The following ZBTB34 variants were observed in gnomAD, a reference collection of about 807,000 sequenced individuals.
ZBTB34 encodes the protein zinc finger and BTB domain-containing protein 34.
Under a neutral mutation model 33.4 loss-of-function variants are expected in ZBTB34, and 1 was observed. That is an observed-to-expected ratio of 0.03 (90% CI 0.01 to 0.14). The LOEUF (loss-of-function observed/expected upper bound fraction) is 0.14, where lower values mean the gene tolerates loss of function less well. Among genes scored for constraint, ZBTB34 ranks in the 10% least tolerant of loss-of-function variants. The probability of loss-of-function intolerance (pLI) is 1.00; values close to 1 mark genes in which losing one functional copy is unlikely to be tolerated. For synonymous variants in ZBTB34, 283 were observed against 253.5 expected (o/e 1.12, Z -1.11); for missense variants, 406 against 657.2 (o/e 0.62, Z 4.18).
At chr9:126,872,514 C>T (rs2033294148) in intron 1 of ZBTB34, among the ~76,000 whole-genome samples, 1 of 152,150 alleles carries the variant, frequency 6.6e-6, no homozygotes, top group Non-Finnish European at 1.5e-5. Context: ...GTGAGTAGCC[C>T]ATGTTGTAAA....
Position 126,879,404 on chromosome 9 carries a change from C to T in ZBTB34, c.5C>T (p.Ser2Leu), listed in dbSNP as rs1431701762. ...TCTCTCCGCAGAGTACGCTTCATGT[C>T]AGTAGAAATGGACAGCAGCAGTTTT... The change falls in exon 2 of 2, where the codon TCA (serine) becomes TTA (leucine). Residue 2 changes from serine (S) to leucine (L), a missense_variant. By Grantham distance (145) the Ser-to-Leu change is moderately radical. Coordinates refer to ENST00000319119, the Ensembl canonical transcript of ZBTB34. This position sits in a 1 kb window ranked among gnomAD's most constrained non-coding sequence, Gnocchi z 6.4. 1 of 1,610,000 alleles carries T rather than the reference C, an allele frequency of 6.2e-7. No homozygotes were observed. Among genetic ancestry groups the T allele is most frequent in the Non-Finnish European group, 8.5e-7 (1 of 1,177,682 alleles).
At chr9:126,873,447 A>G (rs2033307941) in intron 1 of ZBTB34, among the ~76,000 whole-genome samples, 2 of 151,998 alleles carry the variant, frequency 1.3e-5, no homozygotes, top group Admixed American at 1.3e-4. Context: ...TATTTTTAGT[A>G]GAGACAGGGT....
chr9:126,873,120 C>A (rs986754730), intron 1 of ZBTB34, among the ~76,000 whole-genome samples: 2 of 152,178 alleles, frequency 1.3e-5, no homozygotes, highest in African/African-American at 4.8e-5. Flanking sequence ...TTTGTCCTTG[C>A]ATTCCAAAAG....
At chr9:126,884,979 T>C (rs2033501028) in exon 2 of ZBTB34, 1 of 167,016 alleles carries the variant, frequency 6.0e-6, no homozygotes, top group African/African-American at 2.4e-5. Context: ...CAGGGTTATT[T>C]ATTAAATTTT....
chr9:126,881,077 C>T (rs2033434098), exon 2 of ZBTB34: 2 of 781,348 alleles, frequency 2.6e-6, no homozygotes, highest in South Asian at 3.9e-5. Context: ...TATCCTTTCC[C>T]CTGCCCTCCC....
intron 1 of ZBTB34, among the ~76,000 whole-genome samples, chr9:126,877,541 G>A (rs1224623094): frequency 1.3e-5 from 2 of 152,116 alleles, no homozygotes; most frequent in African/African-American, 4.8e-5. Context: ...GGATGGAGCC[G>A]GGGCTATATA....
In ZBTB34 at chr9:126,880,790, G is replaced by T. The variant is rs373752401; in HGVS notation, c.1391G>T (p.Arg464Leu). 1.9e-6 allele frequency: 3 copies of T among 1,613,684 alleles called. No individual in the cohort carries two copies. Among genetic ancestry groups the T allele is most frequent in the African/African-American group, 2.7e-5 (2 of 75,016 alleles). Reference sequence around the variant, plus strand: ...CCAGGCGTTGCTGAAGTCAGGAGTCGCATTGAGTCCCCCGAGAGAACAGAT... The same window carrying T: ...CCAGGCGTTGCTGAAGTCAGGAGTCTCATTGAGTCCCCCGAGAGAACAGAT... Residue 464 changes from arginine to leucine, a missense_variant, in exon 2 of 2, where the codon CGC becomes CTC. Around this residue, in one of 6 missense-constraint regions of ZBTB34, gnomAD observed 58 missense variants for 58.7 expected, o/e 0.99. Coordinates refer to ENST00000319119, the Ensembl canonical transcript of ZBTB34. The surrounding 1 kb of genome is among the most constrained non-coding windows in gnomAD (Gnocchi z 6.7).
intron 1 of ZBTB34, among the ~76,000 whole-genome samples, chr9:126,864,860 T>G (rs2033180548): frequency 6.6e-6 from 1 of 152,182 alleles, no homozygotes; most frequent in Non-Finnish European, 1.5e-5. Context: ...GGTGCTTCAG[T>G]CTGTGGTCTT....
intron 1 of ZBTB34, among the ~76,000 whole-genome samples, chr9:126,877,971 T>C (rs896913238): frequency 6.6e-6 from 1 of 151,992 alleles, no homozygotes; most frequent in Non-Finnish European, 1.5e-5. Context: ...GCCATTGCAC[T>C]CCGGACGACA....
In ZBTB34 at chr9:126,881,126, A is replaced by G. The variant is rs1588392709; in HGVS notation, c.*212A>G. ...TCAAAGCATGAAGGGCAACGCATCC[A>G]GGGAAAACACAGGCTGACAGTATTC... On this transcript the variant is annotated 3_prime_UTR_variant, in exon 2 of 2. Transcript: ENST00000319119. 6 of 573,432 alleles carry G rather than the reference A, an allele frequency of 1.0e-5. No homozygotes were observed. The East Asian group carries it at 1.6e-4, about 15-fold the overall frequency. The allele number at this position is 573,432 out of a possible 1,614,324, so 35.5% of individuals were successfully genotyped here.
At chr9:126,865,174 C>T (rs148133566) in intron 1 of ZBTB34, among the ~76,000 whole-genome samples, 7 of 152,194 alleles carry the variant, frequency 4.6e-5, no homozygotes, top group African/African-American at 1.2e-4. Flanking sequence ...AATAAGCCAC[C>T]GTGCTAGATT....
intron 1 of ZBTB34, among the ~76,000 whole-genome samples, chr9:126,868,656 C>T (rs564257894): frequency 6.6e-6 from 1 of 152,216 alleles, no homozygotes; most frequent in Non-Finnish European, 1.5e-5. Context: ...ACTGCTTGGT[C>T]AGTCCTGGAG....
At chr9:126,881,815 A>G (rs2033445073) in exon 2 of ZBTB34, 1 of 167,000 alleles carries the variant, frequency 6.0e-6, no homozygotes, top group Non-Finnish European at 1.5e-5. Context: ...CTACAAATCT[A>G]CCTTCATTCC....
At chr9:126,875,698 T>G (rs1043438913) in intron 1 of ZBTB34, among the ~76,000 whole-genome samples, 3 of 152,060 alleles carry the variant, frequency 2.0e-5, no homozygotes, top group African/African-American at 7.3e-5. Flanking sequence ...ATTTTCCAAG[T>G]GATTCTCTTG....
In ZBTB34 at chr9:126,879,801, C is replaced by T. The variant is rs1220767633; in HGVS notation, c.402C>T (p.Ser134=). ...TAGAGAGCATCCATTCCAAAATCAGCGTTGGAGATGTTGACTCTGTTACCG... is the reference window on the plus strand; with the variant it reads ...TAGAGAGCATCCATTCCAAAATCAGTGTTGGAGATGTTGACTCTGTTACCG... The change falls in exon 2 of 2, where the codon AGC becomes AGT. Residue 134 remains serine (S), a synonymous_variant. Transcript: ENST00000319119. This position sits in a 1 kb window ranked among gnomAD's most constrained non-coding sequence, Gnocchi z 6.4. 3.7e-6 allele frequency: 6 copies of T among 1,613,306 alleles called. No homozygotes were observed. The highest frequency in any genetic ancestry group is 2.2e-5 in the East Asian group (1 of 44,880).
chr9:126,874,020 C>G (rs924700746), intron 1 of ZBTB34, among the ~76,000 whole-genome samples: 1 of 146,982 alleles, frequency 6.8e-6, no homozygotes, highest in South Asian at 2.2e-4. Flanking sequence ...TTGTGAGAGA[C>G]TCTGCTGTGT....
intron 1 of ZBTB34, among the ~76,000 whole-genome samples, chr9:126,874,610 C>A (rs2033330290): frequency 6.6e-6 from 1 of 152,120 alleles, no homozygotes; most frequent in African/African-American, 2.4e-5. Context: ...TTTTTACTTA[C>A]TTGAAATGGC....
At chr9:126,864,359 G>C (rs1369487731) in intron 1 of ZBTB34, among the ~76,000 whole-genome samples, 1 of 152,078 alleles carries the variant, frequency 6.6e-6, no homozygotes, top group African/African-American at 2.4e-5. Context: ...CTGACCGTTA[G>C]TCCTTGTCAT....
chr9:126,880,107 C>T lies in ZBTB34; in HGVS notation c.708C>T (p.Thr236=), dbSNP rs1425942606. Reference sequence around the variant, plus strand: ...TATTGGTGAGGGAGAGCCAGATCACCGAGGTGAAAGTGAAGATGGAGAAGT... The same window carrying T: ...TATTGGTGAGGGAGAGCCAGATCACTGAGGTGAAAGTGAAGATGGAGAAGT... The change falls in exon 2 of 2, where the codon ACC becomes ACT. Residue 236 remains threonine, a synonymous_variant. Transcript: ENST00000319119. This position sits in a 1 kb window ranked among gnomAD's most constrained non-coding sequence, Gnocchi z 6.7. 31 of 1,613,538 alleles carry T rather than the reference C, an allele frequency of 1.9e-5. No homozygotes were observed. Among genetic ancestry groups the T allele is most frequent in the Non-Finnish European group, 2.2e-5 (26 of 1,179,880 alleles).
Sources: gnomAD v4.1 joint callset for allele counts (sites outside exome capture counted in the v4.1 genomes callset) on GRCh38, gnomAD v4.1.1 for gene constraint, gnomAD v4.1.1 regional missense constraint, Gnocchi (gnomAD v3.1) non-coding constraint, MANE v1.5 for transcripts, NCBI Gene and HGNC (gene_info 2026-07-23, HGNC 2026-07-21) for gene names.